AGBL3: variants seen among roughly 807,000 people sequenced by gnomAD.
The protein encoded by AGBL3 is cytosolic carboxypeptidase 3.
A neutral mutation model predicts 94.5 loss-of-function variants in AGBL3; 68 were observed. That is an observed-to-expected ratio of 0.72 (90% CI 0.59 to 0.88). AGBL3 has a LOEUF of 0.88. Among genes scored for constraint, AGBL3 ranks in the 40% least tolerant of loss-of-function variants. AGBL3 has a pLI of 0.00. For synonymous variants in AGBL3, 354 were observed against 370.7 expected (o/e 0.95, Z 0.52); for missense variants, 934 against 1,103.8 (o/e 0.85, Z 2.18).
chr7:135,061,073 T>TA (rs398111919), intron 12 of AGBL3, among the ~76,000 whole-genome samples: 1 of 151,772 alleles, frequency 6.6e-6, no homozygotes, highest in East Asian at 1.9e-4. Context: ...TTTTTTTTTT[T>TA]ATAACAGCCA....
chr7:135,072,108 G>A (rs1309595757), intron 12 of AGBL3, among the ~76,000 whole-genome samples: 1 of 152,152 alleles, frequency 6.6e-6, no homozygotes, highest in Admixed American at 6.5e-5. Flanking sequence ...CGAAGGATAT[G>A]AACAGACACT....
At chr7:135,112,511 T>A (rs1363695178) in intron 15 of AGBL3, among the ~76,000 whole-genome samples, 2 of 152,230 alleles carry the variant, frequency 1.3e-5, no homozygotes, top group African/African-American at 4.8e-5. Context: ...TAGTCCCACA[T>A]CCTAGATGAC....
In AGBL3 at chr7:135,034,323, T is replaced by A; in HGVS notation, c.732T>A (p.Tyr244Ter). 2 of 1,551,726 alleles carry A rather than the reference T, an allele frequency of 1.3e-6. No homozygotes were observed. Among genetic ancestry groups the A allele is most frequent in the Non-Finnish European group, 1.7e-6 (2 of 1,146,964 alleles). ...GTCGGGGTATGCGCCCACTGTTCTA[T>A]TCTGAAAAAGAGGCCAAGGCTCATC... ...LYSRGMRPLF[Y>*]SEKEAKAHHI... is the part of the protein sequence containing the mutation. The change falls in exon 7 of 17, where the codon TAT (tyrosine) becomes TAA (stop). Residue 244 changes from tyrosine (Y) to a stop codon, truncating the protein, a stop_gained. Coordinates refer to ENST00000436302, the MANE Select transcript of AGBL3 (RefSeq NM_178563.4). LOFTEE classifies it high-confidence loss of function.
Position 135,034,387 on chromosome 7 carries a change from T to G in AGBL3, c.796T>G (p.Tyr266Asp). Residue 266 changes from tyrosine to aspartate, a missense_variant, in exon 7 of 17, where the codon TAT becomes GAT. Physicochemically the swap from Tyr to Asp is radical, Grantham distance 160. This residue lies in a region of AGBL3 where 488 missense variants were observed against 563.6 expected (regional missense o/e 0.87). Coordinates refer to ENST00000436302, the MANE Select transcript of AGBL3 (RefSeq NM_178563.4). Reference protein sequence around the residue: ...WQRIGDQIKYYRNNPGQDGRH... With the variant: ...WQRIGDQIKYDRNNPGQDGRH... ...GAGAATAGGAGACCAAATCAAGTAT[T>G]ATAGGAACAACCCAGGCCAAGATGG... 1.3e-6 allele frequency: 2 copies of G among 1,551,634 alleles called. No homozygotes were observed. Among genetic ancestry groups the G allele is most frequent in the Non-Finnish European group, 1.7e-6 (2 of 1,146,974 alleles).
At chr7:135,119,557 C>G (rs1186202391) in intron 16 of AGBL3, among the ~76,000 whole-genome samples, 1 of 148,902 alleles carries the variant, frequency 6.7e-6, no homozygotes, top group African/African-American at 2.5e-5. Flanking sequence ...GAAAATGAGA[C>G]CAAAAAAAAA....
At chr7:135,027,992 G>A (rs975042576) in intron 5 of AGBL3, among the ~76,000 whole-genome samples, 26 of 151,678 alleles carry the variant, frequency 1.7e-4, no homozygotes, top group Non-Finnish European at 3.1e-4. Context: ...TGGTGTCCAA[G>A]TGGATATGAA....
chr7:135,043,796 T>C (rs1456524631), intron 8 of AGBL3, among the ~76,000 whole-genome samples: 2 of 119,852 alleles, frequency 1.7e-5, no homozygotes, highest in African/African-American at 2.8e-5. Flanking sequence ...TATCTTTCTA[T>C]AAAAATAGTA....
At chr7:135,083,316 C>A (rs926629516) in intron 15 of AGBL3, among the ~76,000 whole-genome samples, 1 of 152,120 alleles carries the variant, frequency 6.6e-6, no homozygotes, top group Non-Finnish European at 1.5e-5. Flanking sequence ...TACAACCTCA[C>A]CACCTAAAAA....
intron 15 of AGBL3, among the ~76,000 whole-genome samples, chr7:135,112,308 A>G (rs1825756855): frequency 6.6e-6 from 1 of 152,216 alleles, no homozygotes; most frequent in Non-Finnish European, 1.5e-5. Context: ...TTTCTTGCGT[A>G]AAATCTTCAA....
chr7:135,064,832 T>C (rs1336962769), intron 12 of AGBL3, among the ~76,000 whole-genome samples: 2 of 152,216 alleles, frequency 1.3e-5, no homozygotes, highest in Admixed American at 6.5e-5. Flanking sequence ...CCTTCCAAAA[T>C]GGCTTAGTCA....
At chr7:135,102,805 C>A (rs1463873598) in intron 15 of AGBL3, among the ~76,000 whole-genome samples, 7 of 151,896 alleles carry the variant, frequency 4.6e-5, no homozygotes, top group Admixed American at 4.6e-4. Context: ...AATATCTAAG[C>A]TAAAATCATA....
At chr7:135,130,870 C>T (rs1828653328) in intron 16 of AGBL3, among the ~76,000 whole-genome samples, 1 of 151,940 alleles carries the variant, frequency 6.6e-6, no homozygotes, top group Admixed American at 6.6e-5. Context: ...GTTTTGTTGG[C>T]CTTTTGAAAA....
chr7:135,037,644 TG>T, intron 8 of AGBL3, 64 bp downstream of exon 8: 1 of 1,333,722 alleles, frequency 7.5e-7, no homozygotes, highest in Middle Eastern at 1.9e-4. Flanking sequence ...GATAGCAGAA[TG>T]GCCCACGTGG....
At chr7:135,109,397 C>T (rs1404105089) in intron 15 of AGBL3, among the ~76,000 whole-genome samples, 1 of 151,642 alleles carries the variant, frequency 6.6e-6, no homozygotes. Flanking sequence ...CTCGATAGCC[C>T]CAGCAAGGAG....
intron 15 of AGBL3, among the ~76,000 whole-genome samples, chr7:135,110,681 C>T (rs1035676694): frequency 6.6e-6 from 1 of 152,156 alleles, no homozygotes; most frequent in Non-Finnish European, 1.5e-5. Flanking sequence ...CTTTATGAAT[C>T]CAATGTGTGT....
intron 3 of AGBL3, among the ~76,000 whole-genome samples, 158 bp downstream of exon 3, chr7:134,989,468 C>T (rs1260064456): frequency 1.3e-5 from 2 of 152,274 alleles, no homozygotes; most frequent in East Asian, 3.9e-4. Flanking sequence ...TCAAACTTTT[C>T]AGGTTTGTTT....
At chr7:135,015,650 G>C (rs1453508072) in intron 4 of AGBL3, among the ~76,000 whole-genome samples, 1 of 151,996 alleles carries the variant, frequency 6.6e-6, no homozygotes, top group Admixed American at 6.6e-5. Flanking sequence ...ATAAAGAAGA[G>C]CATAAGCAGA....
intron 4 of AGBL3, among the ~76,000 whole-genome samples, chr7:134,999,156 T>C (rs1421777464): frequency 6.6e-6 from 1 of 152,222 alleles, no homozygotes; most frequent in Admixed American, 6.5e-5. Flanking sequence ...TCTGAAGAAA[T>C]ATAACTTGAT....
chr7:135,132,619 G>A (rs1828931716), intron 16 of AGBL3, among the ~76,000 whole-genome samples: 1 of 152,170 alleles, frequency 6.6e-6, no homozygotes, highest in Admixed American at 6.5e-5. Context: ...AGGGTCAGGT[G>A]GAGATAATTG....
Sources: gnomAD v4.1 joint callset for allele counts (sites outside exome capture counted in the v4.1 genomes callset) on GRCh38, gnomAD v4.1.1 for gene constraint, gnomAD v4.1.1 regional missense constraint, MANE v1.5 for transcripts, NCBI Gene and HGNC (gene_info 2026-07-23, HGNC 2026-07-21) for gene names.